GRHL2: variants seen among roughly 807,000 people sequenced by gnomAD.
The protein encoded by GRHL2 is grainyhead-like protein 2 homolog.
In GRHL2, 21 loss-of-function variants were observed where a neutral mutation model predicts 83.8. That is an observed-to-expected ratio of 0.25 (90% CI 0.18 to 0.36). The LOEUF is 0.36. GRHL2 is among the 10% of genes least tolerant of loss of function. GRHL2 has a pLI of 1.00. For missense variants in GRHL2, 623 were observed against 781.8 expected (o/e 0.80, Z 2.42); for synonymous variants, 280 against 278.9 (o/e 1.00, Z -0.04).
At chr8:101,565,413 AG>A (rs1349160943) in intron 4 of GRHL2, among the ~76,000 whole-genome samples, 2 of 152,220 alleles carry the variant, frequency 1.3e-5, no homozygotes, top group East Asian at 3.8e-4. Flanking sequence ...TTAGGAACAA[AG>A]CAACATCAAG....
chr8:101,643,987 G>A lies in GRHL2; in HGVS notation c.1518-144G>A, dbSNP rs538872753. On this transcript the variant is annotated intron_variant, in intron 12 of 15. Coordinates refer to ENST00000646743, the MANE Select transcript of GRHL2 (RefSeq NM_024915.4). ...CAGGGATTGCTTGGGACCTGCAAGG[G>A]GAAGAAGGAGGTTGGTGAGTAGATC... The A allele has an allele frequency of 5.6e-5, 40 of 720,618 alleles. No individual in the cohort carries two copies. In the South Asian group the frequency reaches 6.0e-4, roughly 11 times the overall value. 44.6% of individuals were successfully genotyped at this position (720,618 alleles called of 1,614,324 possible).
At chr8:101,565,740 G>A (rs547139906) in intron 4 of GRHL2, among the ~76,000 whole-genome samples, 31 of 152,320 alleles carry the variant, frequency 2.0e-4, no homozygotes, top group Middle Eastern at 6.8e-3. Context: ...CAAGAGGGCC[G>A]AGAAGTTTAA....
At chr8:101,602,336 G>A (rs1203438612) in intron 8 of GRHL2, among the ~76,000 whole-genome samples, 6 of 152,186 alleles carry the variant, frequency 3.9e-5, no homozygotes, top group Admixed American at 3.3e-4. Context: ...TCATGTTGTG[G>A]ACTTATCTAT....
chr8:101,678,702 G>C, the GRHL2 span, among the ~76,000 whole-genome samples: 17,427 of 151,602 alleles, frequency 0.11, 1,092 homozygotes, highest in South Asian at 0.2. Context: ...TTTGAAGAGA[G>C]CAGTGGTTCT....
At chr8:101,494,976 C>G (rs1439057248) in intron 1 of GRHL2, among the ~76,000 whole-genome samples, 1 of 152,228 alleles carries the variant, frequency 6.6e-6, no homozygotes. Flanking sequence ...TTGTTTCTCT[C>G]TCATTGGGCT....
Position 101,549,978 on chromosome 8 carries a change from C to T in GRHL2, c.217-2737C>T, listed in dbSNP as rs576103462. 7.4e-4 allele frequency among the ~76,000 whole-genome samples: 112 copies of T among 151,764 alleles called. 1 individual carries two copies. The highest frequency in any genetic ancestry group is 2.5e-3 in the African/African-American group (104 of 41,374). ...ACTAAGTGCTCTCTAGTGGGGTGGG[C>T]GAGTCATAAACTCAGGGTATAGTGG... On this transcript the variant is annotated intron_variant, in intron 2 of 15. Transcript: ENST00000646743.
chr8:101,652,574 G>GTTT (rs1813690490), intron 14 of GRHL2, among the ~76,000 whole-genome samples: 1 of 87,820 alleles, frequency 1.1e-5, no homozygotes, highest in African/African-American at 5.3e-5. Flanking sequence ...GTGTGTGTGT[G>GTTT]GTGTGTGTGG....
chr8:101,656,668 C>A (rs1813791953), intron 14 of GRHL2, among the ~76,000 whole-genome samples: 1 of 152,130 alleles, frequency 6.6e-6, no homozygotes, highest in African/African-American at 2.4e-5. Flanking sequence ...TCTCTACACT[C>A]CAGTGTCATC....
chr8:101,525,117 A>AT (rs1810778641), intron 1 of GRHL2, among the ~76,000 whole-genome samples: 3 of 151,936 alleles, frequency 2.0e-5, no homozygotes, highest in Non-Finnish European at 1.5e-5. Flanking sequence ...TAATTTTTGT[A>AT]TTTTTAGTAG....
chr8:101,545,213 G>T (rs1402205994), intron 2 of GRHL2, among the ~76,000 whole-genome samples: 1 of 151,976 alleles, frequency 6.6e-6, no homozygotes, highest in African/African-American at 2.4e-5. Flanking sequence ...GCTTTCTATT[G>T]GTCTAGGCTT....
At chr8:101,507,648 T>C (rs514623) in intron 1 of GRHL2, among the ~76,000 whole-genome samples, 27,120 of 152,122 alleles carry the variant, frequency 0.18, 2,608 homozygotes, top group East Asian at 0.32. Context: ...ACAATAAATA[T>C]TTTTAATGGC....
chr8:101,588,307 G>A (rs1812209188), intron 7 of GRHL2, among the ~76,000 whole-genome samples: 1 of 152,184 alleles, frequency 6.6e-6, no homozygotes, highest in Non-Finnish European at 1.5e-5. Context: ...GGCAACAGCA[G>A]TTTCCCTCCC....
chr8:101,599,745 G>T (rs1414443537), intron 8 of GRHL2, among the ~76,000 whole-genome samples: 4 of 152,188 alleles, frequency 2.6e-5, no homozygotes, highest in African/African-American at 4.8e-5. Flanking sequence ...GGCGAAGTGA[G>T]CCCTGAGAAG....
chr8:101,630,945 C>A (rs1217391376), intron 9 of GRHL2, among the ~76,000 whole-genome samples: 1 of 151,876 alleles, frequency 6.6e-6, no homozygotes, highest in Non-Finnish European at 1.5e-5. Context: ...AAGTAGGGTG[C>A]GATTTGGCAA....
At chr8:101,537,303 G>C (rs1035033786) in intron 1 of GRHL2, among the ~76,000 whole-genome samples, 60 of 152,250 alleles carry the variant, frequency 3.9e-4, no homozygotes, top group African/African-American at 1.3e-3. Context: ...CAATGATGTA[G>C]AGAAATAAGA....
intron 13 of GRHL2, among the ~76,000 whole-genome samples, chr8:101,644,882 C>T (rs1184371191): frequency 6.6e-6 from 1 of 150,832 alleles, no homozygotes; most frequent in South Asian, 2.1e-4. Flanking sequence ...GGGTCTTGCT[C>T]TGTCACCCAG....
intron 7 of GRHL2, among the ~76,000 whole-genome samples, chr8:101,596,622 G>C (rs1037903635): frequency 1.3e-5 from 2 of 152,160 alleles, no homozygotes; most frequent in African/African-American, 2.4e-5. Flanking sequence ...GACATGGGAA[G>C]ATGCTGATGA....
chr8:101,654,157 A>C (rs1008933977), intron 14 of GRHL2, among the ~76,000 whole-genome samples: 1 of 152,222 alleles, frequency 6.6e-6, no homozygotes, highest in African/African-American at 2.4e-5. Flanking sequence ...AAAGGAACTC[A>C]TAGTCTTCCA....
At chr8:101,575,019 C>T (rs757046841) in intron 6 of GRHL2, among the ~76,000 whole-genome samples, 1 of 152,128 alleles carries the variant, frequency 6.6e-6, no homozygotes, top group African/African-American at 2.4e-5. Flanking sequence ...CCAGGATCTA[C>T]CCCAGGGCGT....
Sources: allele counts gnomAD v4.1 joint callset (sites outside exome capture counted in the v4.1 genomes callset), GRCh38; gene constraint gnomAD v4.1.1; transcripts MANE v1.5; gene names NCBI Gene and HGNC (gene_info 2026-07-23, HGNC 2026-07-21).